The following UGT3A2 variants were observed in gnomAD, a reference collection of about 807,000 sequenced individuals.
UGT3A2 encodes UDP-glycosyltransferase 3A2.
UGT3A2 carries 32 observed loss-of-function variants against 39.8 expected under a neutral mutation model. The observed-to-expected ratio is 0.80, with a 90% CI of 0.61 to 1.08. The LOEUF (loss-of-function observed/expected upper bound fraction) is 1.08. Ranked by LOEUF, UGT3A2 falls within the 50% of genes least tolerant of loss-of-function variation. The pLI, the probability that UGT3A2 is intolerant of heterozygous loss-of-function variation, is 0.00. For missense variants in UGT3A2, 611 were observed against 637.1 expected (o/e 0.96, Z 0.44); for synonymous variants, 241 against 230.7 (o/e 1.04, Z -0.40).
intron 2 of UGT3A2, among the ~76,000 whole-genome samples, chr5:36,058,216 A>G (rs903352780): frequency 5.3e-5 from 8 of 152,256 alleles, no homozygotes; most frequent in Non-Finnish European, 1.2e-4. Flanking sequence ...GTTCTAACAC[A>G]TGCTAAATAT....
At chr5:36,041,581 G>A (rs1396039269) in intron 4 of UGT3A2, among the ~76,000 whole-genome samples, 1 of 152,158 alleles carries the variant, frequency 6.6e-6, no homozygotes, top group African/African-American at 2.4e-5. Flanking sequence ...TAAGGGAAGA[G>A]AACCAGACTC....
At chr5:36,066,400 A>G (rs1742878601) in intron 1 of UGT3A2, among the ~76,000 whole-genome samples, 1 of 152,150 alleles carries the variant, frequency 6.6e-6, no homozygotes, top group Non-Finnish European at 1.5e-5. Context: ...CAGGAACTCA[A>G]GCTCTGGGAT....
chr5:36,054,427 C>T (rs558856766), intron 2 of UGT3A2, among the ~76,000 whole-genome samples: 1 of 152,286 alleles, frequency 6.6e-6, no homozygotes, highest in East Asian at 1.9e-4. Context: ...CAACATCCCC[C>T]AAAGTCCCAA....
chr5:36,045,570 G>T (rs1440859294), intron 4 of UGT3A2, among the ~76,000 whole-genome samples: 4 of 149,842 alleles, frequency 2.7e-5, no homozygotes, highest in South Asian at 2.1e-4. Flanking sequence ...TCCAGCCTGG[G>T]CAACAAGAGC....
At chr5:36,047,452 A>C (rs1195844066) in intron 4 of UGT3A2, among the ~76,000 whole-genome samples, 1 of 152,180 alleles carries the variant, frequency 6.6e-6, no homozygotes, top group African/African-American at 2.4e-5. Context: ...TTGAACTCTG[A>C]TTCTGATTCT....
Position 36,037,910 on chromosome 5 carries a change from C to A in UGT3A2, c.1182G>T (p.Gln394His), listed in dbSNP as rs759483148. The stretch of plus-strand genomic sequence containing the variant: ...CTTCTACTCGGACCATGTTTTCAGG[C>A]TGGTCTCCAAAGAGAGGGATCCCCA... ...PMVGIPLFGDQPENMVRVEAK... is the reference protein window; with the variant it reads ...PMVGIPLFGDHPENMVRVEAK... The change falls in exon 6 of 7, where the codon CAG becomes CAT. Residue 394 changes from glutamine to histidine, a missense_variant. Transcript: ENST00000282507. The A allele has an allele frequency of 6.2e-7, 1 of 1,614,152 alleles. No homozygotes were observed. The highest frequency in any genetic ancestry group is 2.2e-5 in the East Asian group (1 of 44,888).
At chr5:36,044,080 A>AAATC (rs1387413512) in intron 4 of UGT3A2, among the ~76,000 whole-genome samples, 2 of 152,144 alleles carry the variant, frequency 1.3e-5, no homozygotes, top group African/African-American at 2.4e-5. Flanking sequence ...ATTAAGGCAA[A>AAATC]AATCCTCAAC....
At chr5:36,057,995 C>A (rs1742567730) in intron 2 of UGT3A2, among the ~76,000 whole-genome samples, 1 of 152,048 alleles carries the variant, frequency 6.6e-6, no homozygotes. Context: ...CCAGTTTAGG[C>A]AGATACGAAG....
chr5:36,062,896 C>A (rs2111777347), intron 2 of UGT3A2, among the ~76,000 whole-genome samples: 1 of 152,094 alleles, frequency 6.6e-6, no homozygotes, highest in East Asian at 1.9e-4. Flanking sequence ...AAAAAATTAG[C>A]CGAGCATGGT....
intron 2 of UGT3A2, among the ~76,000 whole-genome samples, chr5:36,062,571 C>A (rs1052283360): frequency 6.6e-6 from 1 of 151,782 alleles, no homozygotes; most frequent in Non-Finnish European, 1.5e-5. Flanking sequence ...GGCGTTATTT[C>A]TGAGGGCTCT....
intron 2 of UGT3A2, among the ~76,000 whole-genome samples, chr5:36,060,782 T>C (rs1341979151): frequency 2.6e-5 from 4 of 152,194 alleles, no homozygotes; most frequent in African/African-American, 7.2e-5. Flanking sequence ...AGAGTTCCAC[T>C]TCACGATGAT....
chr5:36,051,763 C>T (rs1270515400), intron 3 of UGT3A2, 107 bp downstream of exon 3: 2 of 805,074 alleles, frequency 2.5e-6, no homozygotes, highest in Non-Finnish European at 4.0e-6. Context: ...TCCATCCATC[C>T]ATTCGTCACT....
At chr5:36,052,636 C>G (rs1006747902) in intron 2 of UGT3A2, among the ~76,000 whole-genome samples, 10 of 152,106 alleles carry the variant, frequency 6.6e-5, no homozygotes, top group African/African-American at 2.4e-4. Flanking sequence ...AAATCCTCAG[C>G]CCATCCTACC....
Position 36,051,926 on chromosome 5 carries a change from A to G in UGT3A2, c.255T>C (p.His85=). The G allele has an allele frequency of 6.3e-7, 1 of 1,593,662 alleles. No homozygotes were observed. Among genetic ancestry groups the G allele is most frequent in the Non-Finnish European group, 8.5e-7 (1 of 1,174,908 alleles). The change falls in exon 3 of 7, where the codon CAT becomes CAC. Residue 85 remains histidine, a synonymous_variant. Coordinates refer to ENST00000282507, the MANE Select transcript of UGT3A2 (RefSeq NM_174914.4). The part of the protein sequence containing the change: ...QVISWLAPED[H]QREFKKSFDF... ...CAAAACTCTTTTTAAATTCTCTTTG[A>G]TGATCTTCAGGTGCAAGCCAACTGA...
At chr5:36,045,676 T>C (rs992225118) in intron 4 of UGT3A2, among the ~76,000 whole-genome samples, 1 of 151,590 alleles carries the variant, frequency 6.6e-6, no homozygotes, top group Non-Finnish European at 1.5e-5. Flanking sequence ...GCTATTAAAC[T>C]ACTAAAAGAA....
At position 36,051,908 on chromosome 5, in the gene UGT3A2, CTT is replaced by C. The variant is rs919681963; in HGVS notation, c.271_272del (p.Lys91GlufsTer3). On this transcript the variant is annotated frameshift_variant, in exon 3 of 7. Coordinates refer to ENST00000282507, the MANE Select transcript of UGT3A2 (RefSeq NM_174914.4). LOFTEE classifies it high-confidence loss of function. ...APEDHQREFKKSFDFFLEETL... is the reference protein window; with the variant it reads ...APEDHQREFKXSFDFFLEETL... Reference sequence around the variant, plus strand: ...TTTCTTCCAGAAAGAAATCAAAACTCTTTTTAAATTCTCTTTGATGATCTTCA... The same window carrying C: ...TTTCTTCCAGAAAGAAATCAAAACTCTTTAAATTCTCTTTGATGATCTTCA... 5 of 1,593,704 alleles carry C rather than the reference CTT, an allele frequency of 3.1e-6. No homozygotes were observed. Among genetic ancestry groups the C allele is most frequent in the Non-Finnish European group, 4.3e-6 (5 of 1,175,014 alleles).
rs1490169919 is a variant in UGT3A2 at position 36,066,829 on chromosome 5, C to T, written c.-40G>A. On this transcript the variant is annotated 5_prime_UTR_variant, in exon 1 of 7. Coordinates refer to ENST00000282507, the MANE Select transcript of UGT3A2 (RefSeq NM_174914.4). ...AAGCCGCGGATCTCAGCCTGGGCTG[C>T]GCGCCCTGCGCCCGGCTAAGGGACC... 1 of 1,612,262 alleles carries T rather than the reference C, an allele frequency of 6.2e-7. No homozygotes were observed. The highest frequency in any genetic ancestry group is 1.7e-5 in the Admixed American group (1 of 60,010).
Position 36,064,299 on chromosome 5 carries a change from T to G in UGT3A2, c.146A>C (p.His49Pro), listed in dbSNP as rs1271958373. ...MDRVSQILQDHGHNVTMLNHK... is the reference protein window; with the variant it reads ...MDRVSQILQDPGHNVTMLNHK... ...GTTAAGCATGGTGACATTATGACCG[T>G]GATCTTGAAGAATCTGAGAAACCCG... The change falls in exon 2 of 7, where the codon CAC becomes CCC. Residue 49 changes from histidine to proline, a missense_variant. His to Pro is a moderately conservative substitution (Grantham distance 77). Coordinates refer to ENST00000282507, the MANE Select transcript of UGT3A2 (RefSeq NM_174914.4). 1 of 1,614,224 alleles carries G rather than the reference T, an allele frequency of 6.2e-7. No homozygotes were observed. The highest frequency in any genetic ancestry group is 1.1e-5 in the South Asian group (1 of 91,088).
At chr5:36,047,808 T>C (rs1024173749) in intron 4 of UGT3A2, among the ~76,000 whole-genome samples, 2 of 152,186 alleles carry the variant, frequency 1.3e-5, no homozygotes, top group Non-Finnish European at 2.9e-5. Context: ...GCTTTACTCA[T>C]GCAATTGAAC....
Sources: allele counts gnomAD v4.1 joint callset (sites outside exome capture counted in the v4.1 genomes callset), GRCh38; gene constraint gnomAD v4.1.1; transcripts MANE v1.5; gene names NCBI Gene and HGNC (gene_info 2026-07-23, HGNC 2026-07-21).